SLC25A24: variants seen among roughly 807,000 people sequenced by gnomAD.
SLC25A24 encodes the protein solute carrier family 25 member 24, also known as mitochondrial adenyl nucleotide antiporter SLC25A24.
Under a neutral mutation model 60.7 loss-of-function variants are expected in SLC25A24, and 49 were observed. That is an observed-to-expected ratio of 0.81 (90% CI 0.64 to 1.02). The LOEUF is 1.02. Ranked by LOEUF, SLC25A24 falls within the 50% of genes least tolerant of loss-of-function variation. The pLI, the probability that SLC25A24 is intolerant of heterozygous loss-of-function variation, is 0.00. For missense variants in SLC25A24, 564 were observed against 586.3 expected (o/e 0.96, Z 0.39); for synonymous variants, 202 against 200.6 (o/e 1.01, Z -0.06).
chr1:108,164,433 T>G (rs1284022253), intron 3 of SLC25A24, among the ~76,000 whole-genome samples: 1 of 151,296 alleles, frequency 6.6e-6, no homozygotes, highest in Admixed American at 6.6e-5. Context: ...GGACTCTTTT[T>G]GGTTGGTAAG....
At chr1:108,175,084 T>G (rs1252376690) in intron 3 of SLC25A24, among the ~76,000 whole-genome samples, 2 of 152,168 alleles carry the variant, frequency 1.3e-5, no homozygotes, top group Admixed American at 1.3e-4. Context: ...TATTGTGTTT[T>G]GCAATGTGAG....
At chr1:108,160,072 G>C (rs1300418142) in intron 4 of SLC25A24, among the ~76,000 whole-genome samples, 1 of 151,884 alleles carries the variant, frequency 6.6e-6, no homozygotes, top group African/African-American at 2.4e-5. Flanking sequence ...CCTCCCGGAT[G>C]GGGTGGCTGG....
intron 1 of SLC25A24, among the ~76,000 whole-genome samples, chr1:108,195,530 C>G (rs1648468157): frequency 6.6e-6 from 1 of 152,060 alleles, no homozygotes; most frequent in Admixed American, 6.5e-5. Flanking sequence ...GGAGAGAACA[C>G]AAAAGATACA....
At chr1:108,168,860 T>G (rs115277334) in intron 3 of SLC25A24, among the ~76,000 whole-genome samples, 1,962 of 152,240 alleles carry the variant, frequency 0.013, 17 homozygotes, top group Non-Finnish European at 0.021. Flanking sequence ...GCAGCTGAAT[T>G]CAATCTTTTC....
intron 3 of SLC25A24, among the ~76,000 whole-genome samples, chr1:108,170,247 T>C (rs1647415045): frequency 6.6e-6 from 1 of 152,164 alleles, no homozygotes. Flanking sequence ...GAAGTGTATA[T>C]CACACTTTAA....
intron 5 of SLC25A24, among the ~76,000 whole-genome samples, chr1:108,156,242 A>C (rs1190364852): frequency 6.6e-6 from 1 of 152,206 alleles, no homozygotes; most frequent in Non-Finnish European, 1.5e-5. Flanking sequence ...AACCATAACC[A>C]GGGGTAATAA....
At position 108,200,248 on chromosome 1, in the gene SLC25A24, A is replaced by T. The variant is rs148128812; in HGVS notation, c.-110T>A. 1.0e-2 allele frequency: 11,184 copies of T among 1,122,184 alleles called. 68 individuals carry two copies. Among genetic ancestry groups the T allele is most frequent in the Admixed American group, 0.023 (542 of 24,016 alleles). 69.5% of individuals were successfully genotyped at this position (1,122,184 alleles called of 1,614,324 possible). On this transcript the variant is annotated 5_prime_UTR_variant, in exon 1 of 10. Transcript: ENST00000565488. ...GGCTGGGCGGGGCGCGCGGCGCAAC[A>T]GCGTTTGGGGCGCCGTCGGGGTTGC...
Position 108,161,303 on chromosome 1 carries a change from T to A in SLC25A24, c.399-10A>T. 2 of 1,396,488 alleles carry A rather than the reference T, an allele frequency of 1.4e-6. No individual in the cohort carries two copies. The highest frequency in any genetic ancestry group is 1.2e-5 in the South Asian group (1 of 82,340). The allele number at this position is 1,396,488 out of a possible 1,614,324, so 86.5% of individuals were successfully genotyped here. A position where few individuals can be genotyped will look rare whatever the true frequency, so the allele number is the denominator to read the frequency against. On this transcript the variant is annotated splice_polypyrimidine_tract_variant and intron_variant, in intron 3 of 9. Coordinates refer to ENST00000565488, the MANE Select transcript of SLC25A24 (RefSeq NM_013386.5). The stretch of plus-strand genomic sequence containing the variant: ...CCCATCAACATCAATGCTGAAATTT[T>A]AAAAAAATGATCAAAGTACAAAACT...
intron 1 of SLC25A24, among the ~76,000 whole-genome samples, chr1:108,194,057 G>C (rs916638917): frequency 7.2e-6 from 1 of 139,068 alleles, no homozygotes; most frequent in African/African-American, 2.5e-5. Flanking sequence ...ACCCTAAAAA[G>C]TTGAATATTA....
intron 1 of SLC25A24, among the ~76,000 whole-genome samples, chr1:108,193,304 A>C (rs1297421843): frequency 7.2e-6 from 1 of 138,310 alleles, no homozygotes; most frequent in African/African-American, 2.5e-5. Flanking sequence ...CAAAGTACCC[A>C]GTAGGAAGCT....
At chr1:108,188,229 C>A (rs191833724) in intron 1 of SLC25A24, among the ~76,000 whole-genome samples, 42 of 151,734 alleles carry the variant, frequency 2.8e-4, no homozygotes, top group Non-Finnish European at 5.2e-4. Context: ...ACTACAAGAA[C>A]GGGGAGGGAA....
At chr1:108,192,675 A>T (rs1195579057) in intron 1 of SLC25A24, 1 of 1,469,498 alleles carries the variant, frequency 6.8e-7, no homozygotes, top group Non-Finnish European at 9.1e-7. Flanking sequence ...GCGGGGTGGA[A>T]GTGCGACCGA....
chr1:108,200,217 A>C lies in SLC25A24; in HGVS notation c.-79T>G. ...GCGGGGCGAGACCGGGACCAGCGCGAGGCCGGGCTGGGCGGGGCGCGCGGC... is the reference window on the plus strand; with the variant it reads ...GCGGGGCGAGACCGGGACCAGCGCGCGGCCGGGCTGGGCGGGGCGCGCGGC... On this transcript the variant is annotated 5_prime_UTR_variant, in exon 1 of 10. Transcript: ENST00000565488. 7.4e-7 allele frequency: 1 copy of C among 1,359,932 alleles called. No individual in the cohort carries two copies. Among genetic ancestry groups the C allele is most frequent in the Non-Finnish European group, 9.6e-7 (1 of 1,043,108 alleles). The allele number at this position is 1,359,932 out of a possible 1,614,324, so 84.2% of individuals were successfully genotyped here. A position where few individuals can be genotyped will look rare whatever the true frequency, so the allele number is the denominator to read the frequency against.
At chr1:108,144,150 T>A (rs1022486381) in intron 7 of SLC25A24, among the ~76,000 whole-genome samples, 10 of 151,946 alleles carry the variant, frequency 6.6e-5, no homozygotes, top group African/African-American at 2.4e-4. Flanking sequence ...TTTTGAGAGG[T>A]GTGTGGAGTA....
chr1:108,174,176 C>T (rs765236817), intron 3 of SLC25A24, among the ~76,000 whole-genome samples: 4 of 152,192 alleles, frequency 2.6e-5, no homozygotes, highest in African/African-American at 9.6e-5. Context: ...TCAGGAAGGG[C>T]CCTCCCATCA....
chr1:108,182,629 T>TA (rs1571305991), intron 2 of SLC25A24, among the ~76,000 whole-genome samples: 1 of 152,102 alleles, frequency 6.6e-6, no homozygotes, highest in Non-Finnish European at 1.5e-5. Flanking sequence ...GGTCAGCAGT[T>TA]AGAGAGCAGT....
chr1:108,156,117 A>G (rs767455215), intron 5 of SLC25A24, among the ~76,000 whole-genome samples: 10 of 152,218 alleles, frequency 6.6e-5, no homozygotes, highest in Non-Finnish European at 8.8e-5. Flanking sequence ...CTAGTGCCAC[A>G]TAACAGTGCC....
In SLC25A24 at chr1:108,199,972, C is replaced by T; in HGVS notation, c.167G>A (p.Gly56Asp). 1.9e-6 allele frequency: 3 copies of T among 1,609,390 alleles called. No homozygotes were observed. The highest frequency in any genetic ancestry group is 2.2e-5 in the East Asian group (1 of 44,746). Residue 56 changes from glycine (G) to aspartate (D), a missense_variant, in exon 1 of 10, where the codon GGC becomes GAC. Coordinates refer to ENST00000565488, the MANE Select transcript of SLC25A24 (RefSeq NM_013386.5). ...EGLRNLGIPL[G>D]QDAEEKIFTT... ...GCGACCCACCTCCTCGGCGTCCTGGCCCAGAGGGATGCCCAGGTTCCTGAG... is the reference window on the plus strand; with the variant it reads ...GCGACCCACCTCCTCGGCGTCCTGGTCCAGAGGGATGCCCAGGTTCCTGAG...
chr1:108,157,801 G>C (rs1295253992), intron 4 of SLC25A24, among the ~76,000 whole-genome samples, 181 bp from the exon 5 acceptor site: 2 of 152,132 alleles, frequency 1.3e-5, no homozygotes, highest in East Asian at 3.8e-4. Context: ...ACAAAGTACA[G>C]TATCAGTTCA....
Sources: allele counts gnomAD v4.1 joint callset (sites outside exome capture counted in the v4.1 genomes callset), GRCh38; gene constraint gnomAD v4.1.1; transcripts MANE v1.5; gene names NCBI Gene and HGNC (gene_info 2026-07-23, HGNC 2026-07-21).